ATP2B2: variants seen among roughly 807,000 people sequenced by gnomAD.
ATP2B2 encodes ATPase plasma membrane Ca2+ transporting 2, also known as plasma membrane calcium-transporting ATPase 2.
Under a neutral mutation model 120.0 loss-of-function variants are expected in ATP2B2, and 15 were observed. That is an observed-to-expected ratio of 0.12 (90% CI 0.08 to 0.19). The LOEUF (loss-of-function observed/expected upper bound fraction) is 0.19. ATP2B2 is among the 10% of genes least tolerant of loss of function. ATP2B2 has a pLI of 1.00. For synonymous variants in ATP2B2, 694 were observed against 700.3 expected (o/e 0.99, Z 0.14); for missense variants, 1,045 against 1,719.8 (o/e 0.61, Z 6.94).
rs1054992937 is a variant in ATP2B2, at chr3:10,615,861, A to G, written c.-415+4056T>C. Among the ~76,000 whole-genome samples the G allele has an allele frequency of 6.6e-5, 10 of 152,020 alleles. No individual in the cohort carries two copies. In the South Asian group the frequency reaches 2.1e-3, roughly 32 times the overall value. ...GTTTCTTAGTAAAATTAATGTTTTC[A>G]GGATGAACTATTTTGCTATGGCCTT... On this transcript the variant is annotated intron_variant, in intron 2 of 21. Coordinates refer to the ATP2B2 transcript ENST00000646379.
chr3:10,630,912 T>C (rs571569192), intron 1 of ATP2B2, among the ~76,000 whole-genome samples: 24 of 152,094 alleles, frequency 1.6e-4, no homozygotes, highest in African/African-American at 5.8e-4. Flanking sequence ...ATGTCTTTGG[T>C]TTCTCGATGG....
intron 1 of ATP2B2, among the ~76,000 whole-genome samples, chr3:10,650,212 A>G (rs1449676081): frequency 6.6e-6 from 1 of 152,244 alleles, no homozygotes; most frequent in Non-Finnish European, 1.5e-5. Context: ...ATAAACAATA[A>G]CGTCCAGACT....
intron 14 of ATP2B2, among the ~76,000 whole-genome samples, chr3:10,353,560 G>A (rs914866013): frequency 2.6e-5 from 4 of 152,304 alleles, no homozygotes; most frequent in South Asian, 2.1e-4. Context: ...CCATGAATTT[G>A]GAGAGGGGCA....
chr3:10,466,976 T>A (rs1049960472), intron 1 of ATP2B2, among the ~76,000 whole-genome samples: 1 of 152,194 alleles, frequency 6.6e-6, no homozygotes, highest in South Asian at 2.1e-4. Flanking sequence ...GCAAGCCTGG[T>A]AATGAAGTCT....
chr3:10,458,374 G>C (rs1403184673), intron 1 of ATP2B2, among the ~76,000 whole-genome samples: 2 of 152,152 alleles, frequency 1.3e-5, no homozygotes, highest in African/African-American at 4.8e-5. Context: ...ACAACTTTTG[G>C]TTCGGGTTTT....
At chr3:10,581,386 T>C (rs752598451) in intron 2 of ATP2B2, among the ~76,000 whole-genome samples, 6 of 152,140 alleles carry the variant, frequency 3.9e-5, no homozygotes, top group Admixed American at 6.5e-5. Context: ...GATGGTAAGA[T>C]GAGAGATCTG....
intron 14 of ATP2B2, among the ~76,000 whole-genome samples, chr3:10,357,122 C>T (rs920095403): frequency 3.9e-5 from 6 of 152,134 alleles, no homozygotes; most frequent in African/African-American, 1.4e-4. Flanking sequence ...TTACGTGTCC[C>T]TGGATCTAGG....
intron 12 of ATP2B2, among the ~76,000 whole-genome samples, chr3:10,370,984 C>G (rs2061223478): frequency 6.6e-6 from 1 of 152,144 alleles, no homozygotes; most frequent in Admixed American, 6.6e-5. Flanking sequence ...TTTTTCTTAT[C>G]AAAATGAATA....
At chr3:10,378,724 T>C (rs531613567) in intron 9 of ATP2B2, among the ~76,000 whole-genome samples, 1 of 152,218 alleles carries the variant, frequency 6.6e-6, no homozygotes, top group Non-Finnish European at 1.5e-5. Flanking sequence ...TGGTCCCTTG[T>C]CCTTTCCCAC....
intron 6 of ATP2B2, 26 bp from the exon 7 acceptor site, chr3:10,386,538 T>G: frequency 6.2e-7 from 1 of 1,613,926 alleles, no homozygotes; most frequent in Non-Finnish European, 8.5e-7. Context: ...TGAGACATGT[T>G]AATGAAGGAG....
chr3:10,610,948 G>A (rs2069219780), intron 2 of ATP2B2, among the ~76,000 whole-genome samples: 2 of 152,194 alleles, frequency 1.3e-5, no homozygotes, highest in Admixed American at 1.3e-4. Flanking sequence ...TTATAACAGT[G>A]CATCCTGCCC....
intron 2 of ATP2B2, among the ~76,000 whole-genome samples, chr3:10,593,208 A>G (rs1288628248): frequency 6.6e-6 from 1 of 152,250 alleles, no homozygotes; most frequent in East Asian, 1.9e-4. Context: ...CCTGAAAAAT[A>G]AATCAAAATC....
rs1026378122 is a variant in ATP2B2 at position 10,351,793 on chromosome 3, G to A, written c.2137-1216C>T. Among the ~76,000 whole-genome samples the A allele has an allele frequency of 6.6e-5, 10 of 152,350 alleles. No individual in the cohort carries two copies. In the South Asian group the frequency reaches 1.9e-3, roughly 28 times the overall value. On this transcript the variant is annotated intron_variant, in intron 14 of 22. Coordinates refer to ENST00000360273, the MANE Select transcript of ATP2B2 (RefSeq NM_001001331.4). ...CAAAGATATGCAAAGGAGATGCCAT[G>A]CAGAAATCGGGGTGCTGCTTCTACA...
At chr3:10,656,583 G>T (rs2070634229) in intron 1 of ATP2B2, among the ~76,000 whole-genome samples, 1 of 152,196 alleles carries the variant, frequency 6.6e-6, no homozygotes, top group Non-Finnish European at 1.5e-5. Context: ...AATTTTTCAG[G>T]AGCACCTACT....
In ATP2B2 at chr3:10,606,912, C is replaced by CACACACAG. The variant is rs1405755716; in HGVS notation, c.-415+13004_-415+13005insCTGTGTGT. Among the ~76,000 whole-genome samples, 468 of 62,452 alleles carry CACACACAG rather than the reference C, an allele frequency of 7.5e-3. 5 individuals are homozygous for CACACACAG. The highest frequency in any genetic ancestry group is 0.051 in the East Asian group (117 of 2,300). The allele number at this position is 62,452 out of a possible 152,430, so 41.0% of individuals were successfully genotyped here. On this transcript the variant is annotated intron_variant, in intron 2 of 21. Coordinates refer to the ATP2B2 transcript ENST00000646379. ...ACACACACACACACACACACACACA[C>CACACACAG]AGAGAGAGAGAGAGAGAGAGAGAGA...
chr3:10,350,650 G>C, intron 14 of ATP2B2, 73 bp from the exon 15 acceptor site: 2 of 1,524,302 alleles, frequency 1.3e-6, no homozygotes, highest in Middle Eastern at 2.0e-4. Context: ...ATGGATTCCA[G>C]AGGAGCCCTT....
At chr3:10,478,927 T>A (rs979332115) in intron 1 of ATP2B2, among the ~76,000 whole-genome samples, 10 of 152,120 alleles carry the variant, frequency 6.6e-5, no homozygotes, top group African/African-American at 1.9e-4. Context: ...GTGAGTGAGT[T>A]CTCACAAGAT....
At position 10,649,239 on chromosome 3, in the gene ATP2B2, A is replaced by G. The variant is rs76720424; in HGVS notation, c.-459-29278T>C. Among the ~76,000 whole-genome samples, 163 of 152,342 alleles carry G rather than the reference A, an allele frequency of 1.1e-3. 1 individual carries two copies. In the East Asian group the frequency reaches 0.024, roughly 23 times the overall value. ...TTCAATTAATTAAAGTGAGACATCA[A>G]AAGTTCTGTCCTTCAGTCATACTCA... On this transcript the variant is annotated intron_variant, in intron 1 of 21. Coordinates refer to the ATP2B2 transcript ENST00000646379.
At chr3:10,422,152 C>T (rs750052482) in intron 2 of ATP2B2, among the ~76,000 whole-genome samples, 1 of 152,186 alleles carries the variant, frequency 6.6e-6, no homozygotes, top group African/African-American at 2.4e-5. Context: ...GGAAACCTCC[C>T]CTGGCTCCTG....
Sources: gnomAD v4.1 joint callset for allele counts (sites outside exome capture counted in the v4.1 genomes callset) on GRCh38, gnomAD v4.1.1 for gene constraint, MANE v1.5 for transcripts, NCBI Gene and HGNC (gene_info 2026-07-23, HGNC 2026-07-21) for gene names.